The following RBM26 variants were observed in gnomAD, a reference collection of about 807,000 sequenced individuals.
RBM26 encodes RNA binding motif protein 26, also known as RNA-binding protein 26.
A neutral mutation model predicts 123.6 loss-of-function variants in RBM26; 30 were observed. That is an observed-to-expected ratio of 0.24 (90% CI 0.18 to 0.33). The LOEUF (loss-of-function observed/expected upper bound fraction) is 0.33. Among genes scored for constraint, RBM26 ranks in the 10% least tolerant of loss-of-function variants. The pLI, the probability that RBM26 is intolerant of heterozygous loss-of-function variation, is 1.00. For synonymous variants in RBM26, 400 were observed against 404.4 expected, an observed-to-expected ratio of 0.99 and a Z score of 0.13; for missense variants, 947 against 1,203.6, an observed-to-expected ratio of 0.79 and a Z score of 3.15.
At position 79,318,969 on chromosome 13, in the gene RBM26, T is replaced by C; in HGVS notation, c.*1652A>G. Reference sequence around the variant, plus strand: ...ACTACATAAAAATAGATCTTTGATTTAAATATATAAGTAAAAATAGTGACT... The same window carrying C: ...ACTACATAAAAATAGATCTTTGATTCAAATATATAAGTAAAAATAGTGACT... On this transcript the variant is annotated 3_prime_UTR_variant, in exon 22 of 22. Coordinates refer to ENST00000438737, the MANE Select transcript of RBM26 (RefSeq NM_001366735.2). 1 of 970,276 alleles carries C rather than the reference T, an allele frequency of 1.0e-6. No individual in the cohort carries two copies. The highest frequency in any genetic ancestry group is 1.2e-6 in the Non-Finnish European group (1 of 816,332). The allele number at this position is 970,276 out of a possible 1,614,324, so 60.1% of individuals were successfully genotyped here. A position where few individuals can be genotyped will look rare whatever the true frequency, so the allele number is the denominator to read the frequency against.
chr13:79,342,720 C>G lies in RBM26; in HGVS notation c.2371G>C (p.Val791Leu), dbSNP rs138877665. Residue 791 changes from valine to leucine, a missense_variant, in exon 17 of 22, where the codon GTC (valine) becomes CTC (leucine). Val to Leu is a conservative substitution (Grantham distance 32). This residue lies in a region of RBM26 where 493 missense variants were observed against 563.1 expected (regional missense o/e 0.88). Coordinates refer to ENST00000438737, the MANE Select transcript of RBM26 (RefSeq NM_001366735.2). ...TKNITKLKDE[V>L]KAASPGRCLP... ...CAGCGTCCAGGAGAAGCAGCTTTGA[C>G]CTCATCTTTCAACTTGGTAATATTT... The G allele has an allele frequency of 5.7e-4, 911 of 1,611,746 alleles. No individual in the cohort carries two copies. The highest frequency in any genetic ancestry group is 7.4e-4 in the Non-Finnish European group (877 of 1,178,516).
chr13:79,344,081 T>C (rs2071883395), intron 16 of RBM26, among the ~76,000 whole-genome samples, 167 bp downstream of exon 16: 2 of 152,196 alleles, frequency 1.3e-5, no homozygotes, highest in Admixed American at 6.5e-5. Flanking sequence ...GTATAAAGTA[T>C]ACCCACCATC....
At chr13:79,337,742 C>T (rs529631011) in intron 18 of RBM26, among the ~76,000 whole-genome samples, 1 of 152,298 alleles carries the variant, frequency 6.6e-6, no homozygotes, top group African/African-American at 2.4e-5. Flanking sequence ...TATCTCAAAT[C>T]ATTTTAATTA....
At chr13:79,334,494 G>T in intron 19 of RBM26, 64 bp from the exon 20 acceptor site, 1 of 876,146 alleles carries the variant, frequency 1.1e-6, no homozygotes, top group Non-Finnish European at 1.7e-6. Context: ...AAATCCTAAT[G>T]GTATTAAAAA....
At chr13:79,384,940 G>A (rs749477433) in intron 1 of RBM26, among the ~76,000 whole-genome samples, 1 of 152,122 alleles carries the variant, frequency 6.6e-6, no homozygotes, top group Non-Finnish European at 1.5e-5. Context: ...GGAGACTTTA[G>A]AAATTCAGTA....
rs549014825 is a variant in RBM26 at position 79,356,401 on chromosome 13, A to T, written c.1690-1017T>A. On this transcript the variant is annotated intron_variant, in intron 11 of 21. Transcript: ENST00000438737. ...AAAAAAAAACAAACAAAAAAAAACA[A>T]AAAAGTAGTTGGAATCAAACTGCCT... is the stretch of plus-strand genomic sequence containing the variant. 4.7e-5 allele frequency among the ~76,000 whole-genome samples: 7 copies of T among 148,982 alleles called. No individual in the cohort carries two copies. In the East Asian group the frequency reaches 1.2e-3, roughly 25 times the overall value.
At chr13:79,392,306 T>A (rs2078157667) in intron 1 of RBM26, among the ~76,000 whole-genome samples, 2 of 141,022 alleles carry the variant, frequency 1.4e-5, no homozygotes, top group South Asian at 2.2e-4. Flanking sequence ...ATTAATTGTA[T>A]AACGGTAATA....
chr13:79,391,985 T>C (rs2140403340), intron 1 of RBM26, among the ~76,000 whole-genome samples: 1 of 122,394 alleles, frequency 8.2e-6, no homozygotes, highest in African/African-American at 3.5e-5. Context: ...TTATATATTA[T>C]GCAATACATT....
rs770472355 is a variant in RBM26, at chr13:79,359,659, C to G, written c.1445G>C (p.Arg482Thr). The change falls in exon 10 of 22, where the codon AGG becomes ACG. Residue 482 changes from arginine to threonine, a missense_variant. By Grantham distance (71) the Arg-to-Thr change is moderately conservative. Coordinates refer to ENST00000438737, the MANE Select transcript of RBM26 (RefSeq NM_001366735.2). ...CCTTGATTCTGAGTCCACTACTATC[C>G]TCATACTGCTTTTATTGGGAGGCTT... ...REKPPNKSSM[R>T]IVVDSESRKR... The G allele has an allele frequency of 5.1e-6, 8 of 1,578,166 alleles. No individual in the cohort carries two copies. The highest frequency in any genetic ancestry group is 6.9e-6 in the Non-Finnish European group (8 of 1,165,944).
chr13:79,336,520 C>A (rs908385508), intron 19 of RBM26, among the ~76,000 whole-genome samples: 11 of 152,168 alleles, frequency 7.2e-5, no homozygotes, highest in African/African-American at 2.7e-4. Flanking sequence ...GTATAATCTT[C>A]ATTTTGAACA....
chr13:79,392,945 G>A (rs989092872), intron 1 of RBM26, among the ~76,000 whole-genome samples: 5 of 152,256 alleles, frequency 3.3e-5, no homozygotes, highest in Middle Eastern at 3.4e-3. Flanking sequence ...AGAAACCAGC[G>A]AAACTTTAAA....
intron 1 of RBM26, chr13:79,389,495 A>G (rs1446843693): frequency 6.6e-6 from 1 of 152,236 alleles, no homozygotes; most frequent in Non-Finnish European, 1.5e-5. Context: ...AGAAAAAAGC[A>G]AACAACCTAA....
chr13:79,314,272 T>C (rs977208451), downstream of RBM26: 5 of 151,630 alleles, frequency 3.3e-5, no homozygotes, highest in African/African-American at 1.2e-4. Flanking sequence ...TGATTGAAAG[T>C]CAAAAAAATG....
At chr13:79,338,464 AG>A (rs1470036760) in intron 18 of RBM26, among the ~76,000 whole-genome samples, 1 of 152,168 alleles carries the variant, frequency 6.6e-6, no homozygotes, top group African/African-American at 2.4e-5. Context: ...AGAATGAGGT[AG>A]GGGTTACGGC....
At chr13:79,404,932 T>C (rs1033855780) in intron 1 of RBM26, among the ~76,000 whole-genome samples, 1 of 152,192 alleles carries the variant, frequency 6.6e-6, no homozygotes, top group Non-Finnish European at 1.5e-5. Context: ...AATACGTGAA[T>C]TTTCCCCATT....
intron 1 of RBM26, among the ~76,000 whole-genome samples, chr13:79,405,267 G>T (rs1311165858): frequency 2.0e-5 from 3 of 152,200 alleles, no homozygotes; most frequent in African/African-American, 7.2e-5. Context: ...CATGGGAGAC[G>T]TGGCCTTGCT....
At position 79,342,844 on chromosome 13, in the gene RBM26, TAA is replaced by T. The variant is rs746681412; in HGVS notation, c.2260-15_2260-14del. The T allele has an allele frequency of 2.6e-6, 4 of 1,528,490 alleles. No homozygotes were observed. The African/African-American group carries it at 4.2e-5, about 16-fold the overall frequency. The allele number at this position is 1,528,490 out of a possible 1,614,324, so 94.7% of individuals were successfully genotyped here. ...TTGAAATTAACATCTGCCAAATTTTTAAAAAGAGAAAAATAAAGCTAATTACT... is the reference window on the plus strand; with the variant it reads ...TTGAAATTAACATCTGCCAAATTTTTAAAGAGAAAAATAAAGCTAATTACT... On this transcript the variant is annotated splice_polypyrimidine_tract_variant and intron_variant, in intron 16 of 21. Coordinates refer to ENST00000438737, the MANE Select transcript of RBM26 (RefSeq NM_001366735.2).
Position 79,319,968 on chromosome 13 carries a change from T to TTTTCATTGGTTTTG in RBM26, c.*652_*653insCAAAACCAATGAAA. 1.7e-6 allele frequency: 1 copy of TTTTCATTGGTTTTG among 587,858 alleles called. No individual in the cohort carries two copies. The highest frequency in any genetic ancestry group is 2.1e-6 in the Non-Finnish European group (1 of 471,786). 36.4% of individuals were successfully genotyped at this position (587,858 alleles called of 1,614,324 possible). A position where few individuals can be genotyped will look rare whatever the true frequency, so the allele number is the denominator to read the frequency against. On this transcript the variant is annotated 3_prime_UTR_variant, in exon 22 of 22. Transcript: ENST00000438737. ...TCTTGGCTTTTTTTTTTTTTTTTTT[T>TTTTCATTGGTTTTG]TTGTCATTGCTTTTCTCTTTTCTTT...
chr13:79,349,932 G>A (rs1271985050), intron 14 of RBM26, among the ~76,000 whole-genome samples: 1 of 152,026 alleles, frequency 6.6e-6, no homozygotes, highest in East Asian at 1.9e-4. Context: ...TCCTGACCTC[G>A]TGATCTGCCT....
Sources: gnomAD v4.1 joint callset for allele counts (sites outside exome capture counted in the v4.1 genomes callset) on GRCh38, gnomAD v4.1.1 for gene constraint, gnomAD v4.1.1 regional missense constraint, MANE v1.5 for transcripts, NCBI Gene and HGNC (gene_info 2026-07-23, HGNC 2026-07-21) for gene names.